Variants in NAV1 observed in about 807,000 individuals in gnomAD.
The protein encoded by NAV1 is pore membrane and/or filament interacting like protein 3.
A neutral mutation model predicts 175.2 loss-of-function variants in NAV1; 18 were observed. That is an observed-to-expected ratio of 0.10 (90% CI 0.07 to 0.15). The LOEUF (loss-of-function observed/expected upper bound fraction) is 0.15. NAV1 is among the 10% of genes least tolerant of loss of function. The pLI, the probability that NAV1 is intolerant of heterozygous loss-of-function variation, is 1.00. For synonymous variants in NAV1, 897 were observed against 978.7 expected (o/e 0.92, Z 1.56); for missense variants, 1,731 against 2,436.6 (o/e 0.71, Z 6.10).
At position 201,802,289 on chromosome 1, in the gene NAV1, G is replaced by C. The variant is rs114898230; in HGVS notation, c.3518-1304G>C. On this transcript the variant is annotated intron_variant, in intron 15 of 29. Coordinates refer to ENST00000367296, the Ensembl canonical transcript of NAV1. ...CACCGCACTCTAGCCTGCGCAAGAA[G>C]AGTGAAACACCTTCTCAAAAAAAAA... 9.1e-3 allele frequency among the ~76,000 whole-genome samples: 980 copies of C among 107,646 alleles called. 13 individuals are homozygous for C. The highest frequency in any genetic ancestry group is 0.032 in the African/African-American group (917 of 28,300). 70.6% of individuals were successfully genotyped at this position (107,646 alleles called of 152,430 possible). A position where few individuals can be genotyped will look rare whatever the true frequency, so the allele number is the denominator to read the frequency against.
At chr1:201,660,882 C>A (rs1354199184) in intron 1 of NAV1, among the ~76,000 whole-genome samples, 1 of 152,106 alleles carries the variant, frequency 6.6e-6, no homozygotes, top group East Asian at 1.9e-4. Flanking sequence ...GCCCAGGTGG[C>A]CAGGGTGGCA....
chr1:201,656,542 GA>G (rs767880442), intron 1 of NAV1, among the ~76,000 whole-genome samples: 26 of 152,172 alleles, frequency 1.7e-4, no homozygotes, highest in Non-Finnish European at 7.3e-5. Flanking sequence ...CGAATGTTGA[GA>G]AAGCAAGACT....
At chr1:201,754,050 T>C (rs1674301298) in intron 3 of NAV1, among the ~76,000 whole-genome samples, 1 of 152,206 alleles carries the variant, frequency 6.6e-6, no homozygotes, top group Non-Finnish European at 1.5e-5. Flanking sequence ...GTGTTTTTTT[T>C]CCATATTGCC....
chr1:201,746,979 G>A (rs1163845664), intron 3 of NAV1, among the ~76,000 whole-genome samples: 1 of 147,524 alleles, frequency 6.8e-6, no homozygotes, highest in African/African-American at 2.5e-5. Flanking sequence ...ACTCCAGCCT[G>A]TGTGACCCTG....
At chr1:201,645,139 T>G (rs1428015660), upstream of NAV1, among the ~76,000 whole-genome samples, 4 of 152,090 alleles carry the variant, frequency 2.6e-5, no homozygotes, top group East Asian at 3.9e-4. Context: ...TAGCAAAGAC[T>G]TGGAACCAAC....
rs1354293306 is a variant in NAV1, at chr1:201,787,202, C to A, written c.2995+625C>A. On this transcript the variant is annotated intron_variant, in intron 9 of 29. Transcript: ENST00000367296. This position sits in a 1 kb window ranked among gnomAD's most constrained non-coding sequence, Gnocchi z 4.3. ...AGGAAGCATCAGGTGGAGGGTCTGG[C>A]CTAGCACAGAAGCACACCAGCTCCG... Among the ~76,000 whole-genome samples the A allele has an allele frequency of 6.6e-6, 1 of 152,174 alleles. No individual in the cohort carries two copies. The highest frequency in any genetic ancestry group is 1.5e-5 in the Non-Finnish European group (1 of 68,028).
chr1:201,613,316 C>T (rs535165891), intron 2 of NAV1, among the ~76,000 whole-genome samples: 1 of 149,738 alleles, frequency 6.7e-6, no homozygotes, highest in East Asian at 2.0e-4. Flanking sequence ...CCGCCACCAA[C>T]CCCATATAAA....
chr1:201,785,526 T>A (rs1676676849), intron 8 of NAV1, among the ~76,000 whole-genome samples, 175 bp downstream of exon 12: 1 of 152,194 alleles, frequency 6.6e-6, no homozygotes, highest in Non-Finnish European at 1.5e-5. Flanking sequence ...CTTAATATTA[T>A]GTGAGTCAAC....
At chr1:201,543,716 A>G (rs898907295) in intron 1 of NAV1, among the ~76,000 whole-genome samples, 4 of 152,222 alleles carry the variant, frequency 2.6e-5, no homozygotes, top group Admixed American at 1.3e-4. Context: ...TGTACAGTTC[A>G]GTGGCATTAA....
At chr1:201,780,959 A>G (rs2102706952) in intron 4 of NAV1, 53 bp from the exon 9 acceptor site, 3 of 1,525,948 alleles carry the variant, frequency 2.0e-6, no homozygotes, top group East Asian at 4.5e-5. Flanking sequence ...TCAGCTATCC[A>G]GTCTCCCATC....
intron 3 of NAV1, chr1:201,724,123 A>C (rs577009661): frequency 6.6e-6 from 1 of 152,212 alleles, no homozygotes; most frequent in Admixed American, 6.5e-5. Context: ...TAGTCTCGCC[A>C]GGGTAATATC....
intron 1 of NAV1, among the ~76,000 whole-genome samples, chr1:201,627,839 G>A (rs1265148200): frequency 6.6e-6 from 1 of 152,064 alleles, no homozygotes; most frequent in African/African-American, 2.4e-5. Flanking sequence ...TACTTGGACA[G>A]ACATTTAATT....
intron 1 of NAV1, 70 bp downstream of exon 3, chr1:201,623,676 G>A: frequency 1.0e-6 from 1 of 985,764 alleles, no homozygotes; most frequent in Non-Finnish European, 1.2e-6. Context: ...AGCCGGAAGA[G>A]GACAGGGACC....
In NAV1 at chr1:201,780,409, C is replaced by T. The variant is rs1476849708; in HGVS notation, c.1227-12C>T. ...GTTTTAACGATTGACCTTCATCTCT[C>T]CTGTCCTGTAGCTGGGATGAAAGCA... On this transcript the variant is annotated splice_polypyrimidine_tract_variant and intron_variant, in intron 3 of 29. Transcript: ENST00000367296. 2 of 1,614,056 alleles carry T rather than the reference C, an allele frequency of 1.2e-6. No homozygotes were observed. Among genetic ancestry groups the T allele is most frequent in the Non-Finnish European group, 1.7e-6 (2 of 1,180,026 alleles).
At chr1:201,783,469 C>A (rs1392042548) in exon 7 of NAV1, 1 of 1,614,216 alleles carries the variant, frequency 6.2e-7, no homozygotes, top group Non-Finnish European at 8.5e-7. Context: ...TCAACTCCAA[C>A]AGTCTGGATC....
chr1:201,800,025 GGT>G (rs1316142586), intron 15 of NAV1, among the ~76,000 whole-genome samples: 1 of 151,078 alleles, frequency 6.6e-6, no homozygotes, highest in African/African-American at 2.4e-5. Flanking sequence ...TTTGAGAGAG[GGT>G]ATCACTCTGT....
At chr1:201,764,849 A>T (rs1675096087) in intron 3 of NAV1, among the ~76,000 whole-genome samples, 1 of 152,242 alleles carries the variant, frequency 6.6e-6, no homozygotes. Flanking sequence ...TCTCCAGACC[A>T]GTTACTTTTC....
At chr1:201,773,704 A>C (rs1675742942) in intron 3 of NAV1, among the ~76,000 whole-genome samples, 1 of 152,242 alleles carries the variant, frequency 6.6e-6, no homozygotes, top group Admixed American at 6.5e-5. Context: ...TAGTGGAAAT[A>C]GGGAATGAGA....
Position 201,740,401 on chromosome 1 carries a change from A to G in NAV1, c.1226+21646A>G, listed in dbSNP as rs1190872915. Among the ~76,000 whole-genome samples the G allele has an allele frequency of 1.3e-5, 2 of 152,188 alleles. No individual in the cohort carries two copies. Among genetic ancestry groups the G allele is most frequent in the Non-Finnish European group, 2.9e-5 (2 of 68,042 alleles). ...AGGAGACCTGGACGGAGCTGAGACAATAGCGCAACTTGATTGAACTTCGAT... is the reference window on the plus strand; with the variant it reads ...AGGAGACCTGGACGGAGCTGAGACAGTAGCGCAACTTGATTGAACTTCGAT... On this transcript the variant is annotated intron_variant, in intron 3 of 29. Coordinates refer to ENST00000367296, the Ensembl canonical transcript of NAV1. This position sits in a 1 kb window ranked among gnomAD's most constrained non-coding sequence, Gnocchi z 4.7.
Sources: allele counts gnomAD v4.1 joint callset (sites outside exome capture counted in the v4.1 genomes callset), GRCh38; gene constraint gnomAD v4.1.1; non-coding constraint Gnocchi (gnomAD v3.1); transcripts MANE v1.5; gene names NCBI Gene and HGNC (gene_info 2026-07-23, HGNC 2026-07-21).